COX7B2: variants seen among roughly 807,000 people sequenced by gnomAD.
COX7B2 encodes the protein cytochrome c oxidase subunit 7B2, mitochondrial.
For synonymous variants in COX7B2, 37 were observed against 32.1 expected, an observed-to-expected ratio of 1.15 and a Z score of -0.51; for missense variants, 109 against 95.9, an observed-to-expected ratio of 1.14 and a Z score of -0.57.
intron 2 of COX7B2, among the ~76,000 whole-genome samples, chr4:46,788,394 G>A (rs1445692425): frequency 6.6e-6 from 1 of 152,090 alleles, no homozygotes; most frequent in African/African-American, 2.4e-5. Flanking sequence ...ATGACAATGT[G>A]TTCTTGAAAA....
At chr4:46,870,884 A>G (rs1717949791) in intron 1 of COX7B2, among the ~76,000 whole-genome samples, 1 of 152,140 alleles carries the variant, frequency 6.6e-6, no homozygotes, top group Non-Finnish European at 1.5e-5. Flanking sequence ...GAGAGGAAGA[A>G]TCATATCATT....
chr4:46,747,334 C>T (rs1014742505), intron 2 of COX7B2, among the ~76,000 whole-genome samples: 3 of 124,276 alleles, frequency 2.4e-5, no homozygotes, highest in African/African-American at 5.4e-5. Context: ...GTCAGAGTCT[C>T]GCTCTGTCGC....
chr4:46,772,650 A>G (rs1220299221), intron 2 of COX7B2, among the ~76,000 whole-genome samples: 2 of 151,898 alleles, frequency 1.3e-5, no homozygotes, highest in Non-Finnish European at 2.9e-5. Flanking sequence ...AAGGAACAGA[A>G]AAGTTAGCTA....
At chr4:46,850,582 T>C (rs1453651274) in intron 1 of COX7B2, among the ~76,000 whole-genome samples, 4 of 152,128 alleles carry the variant, frequency 2.6e-5, no homozygotes, top group Non-Finnish European at 5.9e-5. Flanking sequence ...CACTTCATTT[T>C]AATATAAAGT....
chr4:46,782,554 A>T (rs1717530802), intron 2 of COX7B2, among the ~76,000 whole-genome samples: 1 of 152,134 alleles, frequency 6.6e-6, no homozygotes, highest in Non-Finnish European at 1.5e-5. Flanking sequence ...CAGGCTGCCC[A>T]AGCGAGCAGC....
chr4:46,755,626 T>TA (rs1715743528), intron 2 of COX7B2, among the ~76,000 whole-genome samples: 1 of 151,962 alleles, frequency 6.6e-6, no homozygotes, highest in Non-Finnish European at 1.5e-5. Context: ...AATTTCAAGA[T>TA]AAAAAATAAA....
chr4:46,839,956 G>C (rs146891926), intron 2 of COX7B2, among the ~76,000 whole-genome samples: 5 of 152,018 alleles, frequency 3.3e-5, no homozygotes, highest in African/African-American at 1.2e-4. Context: ...TAATACTAAT[G>C]AGTATCCATT....
At chr4:46,832,601 GA>G (rs199702656) in intron 2 of COX7B2, among the ~76,000 whole-genome samples, 5,915 of 152,278 alleles carry the variant, frequency 0.039, 151 homozygotes, top group Non-Finnish European at 0.06. Flanking sequence ...ATCTCATGGT[GA>G]AATGTGATTC....
At chr4:46,905,571 A>G (rs182063587) in intron 1 of COX7B2, among the ~76,000 whole-genome samples, 12 of 152,362 alleles carry the variant, frequency 7.9e-5, no homozygotes, top group African/African-American at 2.6e-4. Flanking sequence ...AAATGCACTC[A>G]GTATACTGTT....
chr4:46,889,841 T>C (rs1719319479), intron 1 of COX7B2, among the ~76,000 whole-genome samples: 1 of 151,776 alleles, frequency 6.6e-6, no homozygotes, highest in Non-Finnish European at 1.5e-5. Flanking sequence ...ATCTAAATGT[T>C]AATAATAGTT....
In COX7B2 at chr4:46,826,786, C is replaced by G. The variant is rs532873388; in HGVS notation, c.-50+18174G>C. Among the ~76,000 whole-genome samples the G allele has an allele frequency of 1.2e-4, 18 of 152,162 alleles. No individual in the cohort carries two copies. The South Asian group carries it at 3.5e-3, about 30-fold the overall frequency. ...CAGAAAACCAAATACTGCATGTTCT[C>G]ACGTATAAGTGGAAGTTAAATGACA... On this transcript the variant is annotated intron_variant, in intron 2 of 2. Transcript: ENST00000355591.
intron 2 of COX7B2, among the ~76,000 whole-genome samples, chr4:46,762,035 T>C (rs1162555188): frequency 1.3e-5 from 2 of 151,314 alleles, no homozygotes; most frequent in African/African-American, 2.4e-5. Flanking sequence ...TTATTAATTA[T>C]GTGACCTTGA....
chr4:46,737,895 C>G (rs1714459035), intron 2 of COX7B2, among the ~76,000 whole-genome samples: 1 of 152,070 alleles, frequency 6.6e-6, no homozygotes. Context: ...TATTTCCTAC[C>G]ATATGGTAAG....
intron 1 of COX7B2, among the ~76,000 whole-genome samples, chr4:46,895,144 C>A (rs985442710): frequency 3.7e-4 from 56 of 152,062 alleles, no homozygotes; most frequent in Non-Finnish European, 1.3e-4. Context: ...TGGGTATATA[C>A]CCAAAGGTTT....
chr4:46,855,133 G>T (rs1348403059), intron 1 of COX7B2, among the ~76,000 whole-genome samples: 2 of 152,010 alleles, frequency 1.3e-5, no homozygotes, highest in African/African-American at 4.8e-5. Context: ...TTCGAAACCA[G>T]CCTGGCCAAC....
At chr4:46,819,286 T>C (rs1052093330) in intron 2 of COX7B2, among the ~76,000 whole-genome samples, 1 of 152,168 alleles carries the variant, frequency 6.6e-6, no homozygotes, top group Non-Finnish European at 1.5e-5. Flanking sequence ...CACACCTCAT[T>C]CATTCCCTCT....
Position 46,770,928 on chromosome 4 carries a change from A to G in COX7B2, c.-49-35687T>C, listed in dbSNP as rs990644743. 5.5e-4 allele frequency among the ~76,000 whole-genome samples: 84 copies of G among 152,158 alleles called. 1 individual carries two copies. Among genetic ancestry groups the G allele is most frequent in the Non-Finnish European group, 8.8e-5 (6 of 68,000 alleles). ...CACTGGTTGAGACAGTAATTTTTTT[A>G]TATGACCCCAAAAGCACAGGCAATA... is the stretch of plus-strand genomic sequence containing the variant. On this transcript the variant is annotated intron_variant, in intron 2 of 2. Coordinates refer to ENST00000355591, the MANE Select transcript of COX7B2 (RefSeq NM_130902.3).
chr4:46,883,552 A>G (rs111611531), intron 1 of COX7B2, among the ~76,000 whole-genome samples: 4,289 of 152,212 alleles, frequency 0.028, 78 homozygotes, highest in Middle Eastern at 0.12. Flanking sequence ...CCTGGGCAAC[A>G]CGGTAAAACC....
chr4:46,838,031 C>G (rs1341038711), intron 2 of COX7B2, among the ~76,000 whole-genome samples: 1 of 151,914 alleles, frequency 6.6e-6, no homozygotes, highest in Non-Finnish European at 1.5e-5. Context: ...ATCTAGAAAA[C>G]AGTATACTCT....
Sources: gnomAD v4.1 joint callset for allele counts (sites outside exome capture counted in the v4.1 genomes callset) on GRCh38, gnomAD v4.1.1 for gene constraint, MANE v1.5 for transcripts, NCBI Gene and HGNC (gene_info 2026-07-23, HGNC 2026-07-21) for gene names.